The following VPS50 variants were observed in gnomAD, a reference collection of about 807,000 sequenced individuals.
VPS50 encodes VPS50 subunit of EARP/GARPII complex.
In VPS50, 70 loss-of-function variants were observed where a neutral mutation model predicts 139.7. The ratio of observed to expected loss-of-function variants is 0.50; its 90% CI spans 0.41 to 0.61. The LOEUF (loss-of-function observed/expected upper bound fraction) is 0.61, where lower values mean the gene tolerates loss of function less well. Among genes scored for constraint, VPS50 ranks in the 20% least tolerant of loss-of-function variants. The pLI, the probability that VPS50 is intolerant of heterozygous loss-of-function variation, is 0.00. For synonymous variants in VPS50, 365 were observed against 376.7 expected, an observed-to-expected ratio of 0.97 and a Z score of 0.36; for missense variants, 921 against 1,133.7, an observed-to-expected ratio of 0.81 and a Z score of 2.69.
At chr7:93,298,869 T>C (rs1174036575) in intron 16 of VPS50, among the ~76,000 whole-genome samples, 2 of 152,190 alleles carry the variant, frequency 1.3e-5, no homozygotes, top group East Asian at 3.8e-4. Flanking sequence ...AATAGTAGAC[T>C]TGGGTTCTTG....
intron 8 of VPS50, 88 bp from the exon 9 acceptor site, chr7:93,259,462 G>A (rs926926126): frequency 4.8e-6 from 3 of 630,102 alleles, no homozygotes; most frequent in African/African-American, 3.7e-5. Flanking sequence ...GTAACTTTTG[G>A]TTAGAATATG....
chr7:93,274,168 A>C (rs1486114844), intron 11 of VPS50, among the ~76,000 whole-genome samples: 1 of 152,132 alleles, frequency 6.6e-6, no homozygotes, highest in Non-Finnish European at 1.5e-5. Context: ...TCTCACTTTA[A>C]ATCAAAAGCT....
chr7:93,283,259 C>T (rs1156991052), intron 12 of VPS50, among the ~76,000 whole-genome samples: 2 of 150,026 alleles, frequency 1.3e-5, no homozygotes, highest in Non-Finnish European at 3.0e-5. Context: ...GCGGAGTCTC[C>T]CTCTGTTGCC....
At chr7:93,301,368 C>T (rs1237742274) in intron 16 of VPS50, among the ~76,000 whole-genome samples, 1 of 151,566 alleles carries the variant, frequency 6.6e-6, no homozygotes, top group Non-Finnish European at 1.5e-5. Flanking sequence ...TTATGTTCTA[C>T]TGTAGTCTAT....
intron 8 of VPS50, 115 bp downstream of exon 8, chr7:93,258,507 T>A: frequency 1.3e-6 from 1 of 784,448 alleles, no homozygotes; most frequent in Non-Finnish European, 2.1e-6. Flanking sequence ...AGAATATTTT[T>A]AGACATGTAA....
intron 4 of VPS50, 32 bp downstream of exon 4, chr7:93,253,963 C>G: frequency 7.9e-7 from 1 of 1,271,854 alleles, no homozygotes; most frequent in Non-Finnish European, 1.1e-6. Context: ...TTCTTTCTGG[C>G]AAAACTCTAG....
intron 1 of VPS50, among the ~76,000 whole-genome samples, chr7:93,239,648 A>G (rs1794919518): frequency 6.6e-6 from 1 of 152,082 alleles, no homozygotes; most frequent in Admixed American, 6.6e-5. Flanking sequence ...GCCGTATAAT[A>G]CTCTTTTATT....
At chr7:93,349,730 A>G in intron 24 of VPS50, 145 bp from the exon 25 acceptor site, 2 of 634,954 alleles carry the variant, frequency 3.1e-6, no homozygotes, top group East Asian at 2.9e-5. Flanking sequence ...CAAATATTCA[A>G]ATTATTTTCA....
At chr7:93,331,542 GAAAA>G (rs931473291) in intron 21 of VPS50, among the ~76,000 whole-genome samples, 1 of 148,066 alleles carries the variant, frequency 6.8e-6, no homozygotes, top group Non-Finnish European at 1.5e-5. Flanking sequence ...AGTATGAAAA[GAAAA>G]AAAAAGCCTC....
rs541338611 is a variant in VPS50, at chr7:93,305,013, A to G, written c.1453-815A>G. Among the ~76,000 whole-genome samples the G allele has an allele frequency of 1.3e-3, 195 of 152,054 alleles. 1 individual carries two copies. Among genetic ancestry groups the G allele is most frequent in the African/African-American group, 4.5e-3 (186 of 41,558 alleles). On this transcript the variant is annotated intron_variant, in intron 17 of 27. Transcript: ENST00000305866. ...AGAATTTTAAGAATACCTTTGAAGA[A>G]TATCATTGAAAATGAATAAATTTAA... is the stretch of plus-strand genomic sequence containing the variant.
At chr7:93,310,663 T>A (rs950113678) in intron 19 of VPS50, among the ~76,000 whole-genome samples, 2 of 152,052 alleles carry the variant, frequency 1.3e-5, no homozygotes, top group African/African-American at 4.8e-5. Flanking sequence ...GAACTCCTTG[T>A]ACTTTTCTGA....
intron 1 of VPS50, among the ~76,000 whole-genome samples, chr7:93,239,073 G>A (rs1417898704): frequency 1.3e-5 from 2 of 152,014 alleles, no homozygotes; most frequent in African/African-American, 4.8e-5. Flanking sequence ...TGGTTACTAA[G>A]GATCCCCAAT....
At chr7:93,309,059 C>T in intron 19 of VPS50, 117 bp downstream of exon 19, 1 of 459,456 alleles carries the variant, frequency 2.2e-6, no homozygotes, top group Non-Finnish European at 3.9e-6. Flanking sequence ...TATAATGTCA[C>T]CTGACAGAAG....
intron 4 of VPS50, among the ~76,000 whole-genome samples, chr7:93,255,926 C>T (rs1206191245): frequency 6.6e-6 from 1 of 152,104 alleles, no homozygotes; most frequent in African/African-American, 2.4e-5. Context: ...GAATTAGAGC[C>T]TCATGTTCAA....
chr7:93,316,529 G>A (rs1450753348), intron 20 of VPS50, among the ~76,000 whole-genome samples: 2 of 152,108 alleles, frequency 1.3e-5, no homozygotes, highest in African/African-American at 2.4e-5. Flanking sequence ...AGAAGAAGAT[G>A]GATTAGAGAG....
chr7:93,323,979 T>C (rs1281123967), intron 21 of VPS50, among the ~76,000 whole-genome samples: 1 of 152,222 alleles, frequency 6.6e-6, no homozygotes, highest in Non-Finnish European at 1.5e-5. Context: ...GTTTCTAACC[T>C]TGACATATTT....
At chr7:93,242,953 G>T (rs538145498) in intron 2 of VPS50, among the ~76,000 whole-genome samples, 23 of 152,014 alleles carry the variant, frequency 1.5e-4, no homozygotes, top group African/African-American at 2.4e-4. Flanking sequence ...TAGTGAAGGA[G>T]AACTGAAGGG....
chr7:93,240,064 T>C (rs1562844668), intron 2 of VPS50, 130 bp downstream of exon 2: 1 of 619,094 alleles, frequency 1.6e-6, no homozygotes, highest in Non-Finnish European at 2.9e-6. Context: ...GCTAGGTAAA[T>C]TTTTATTGTA....
At chr7:93,253,509 G>A (rs1394252556) in intron 3 of VPS50, among the ~76,000 whole-genome samples, 1 of 152,212 alleles carries the variant, frequency 6.6e-6, no homozygotes, top group Non-Finnish European at 1.5e-5. Flanking sequence ...GTTGGGGTTA[G>A]GTTAGTTACT....
Sources: gnomAD v4.1 joint callset for allele counts (sites outside exome capture counted in the v4.1 genomes callset) on GRCh38, gnomAD v4.1.1 for gene constraint, MANE v1.5 for transcripts, NCBI Gene and HGNC (gene_info 2026-07-23, HGNC 2026-07-21) for gene names.